Variants in ECHDC2 observed in about 807,000 individuals in gnomAD.
ECHDC2 encodes the protein enoyl-CoA hydratase domain containing 2.
ECHDC2 carries 34 observed loss-of-function variants against 40.6 expected under a neutral mutation model. The observed-to-expected ratio is 0.84, with a 90% CI of 0.64 to 1.11. The LOEUF is 1.11. ECHDC2 is among the 50% of genes most tolerant of loss of function. The pLI is 0.00. For synonymous variants in ECHDC2, 162 were observed against 166.6 expected (o/e 0.97, Z 0.21); for missense variants, 392 against 400.7 (o/e 0.98, Z 0.19).
chr1:52,899,029 G>A lies in ECHDC2; in HGVS notation c.753+145C>T, dbSNP rs114414646. 1,235 of 799,048 alleles carry A rather than the reference G, an allele frequency of 1.5e-3. 21 individuals carry two copies. In the African/African-American group the frequency reaches 0.019, roughly 12 times the overall value. 49.5% of individuals were successfully genotyped at this position (799,048 alleles called of 1,614,324 possible). ...CCAATTTGCAGATGTGTAAACTGACGTAGAGCACGAGGTCAGAGTTCAAGT... is the reference window on the plus strand; with the variant it reads ...CCAATTTGCAGATGTGTAAACTGACATAGAGCACGAGGTCAGAGTTCAAGT... On this transcript the variant is annotated intron_variant, in intron 8 of 9. Coordinates refer to ENST00000371522, the MANE Select transcript of ECHDC2 (RefSeq NM_001198961.2).
At chr1:52,903,752 G>A (rs138910630) in intron 7 of ECHDC2, among the ~76,000 whole-genome samples, 172 of 151,596 alleles carry the variant, frequency 1.1e-3, no homozygotes, top group African/African-American at 3.9e-3. Flanking sequence ...ATGACACAGC[G>A]AGACCCTATC....
At chr1:52,902,970 AT>A (rs1352913135) in intron 7 of ECHDC2, among the ~76,000 whole-genome samples, 3 of 152,206 alleles carry the variant, frequency 2.0e-5, no homozygotes, top group Non-Finnish European at 4.4e-5. Flanking sequence ...AGACAAATTT[AT>A]TATAAATTAG....
At chr1:52,897,332 T>A in intron 9 of ECHDC2, 105 bp downstream of exon 9, 1 of 1,153,966 alleles carries the variant, frequency 8.7e-7, no homozygotes, top group East Asian at 2.3e-5. Flanking sequence ...GGTCAGACTG[T>A]TTGTGTTGAG....
chr1:52,896,291 C>T lies in ECHDC2; in HGVS notation c.*229G>A, dbSNP rs1036158425. ...CAGGCATTTTCCAAAGCAAACCCAA[C>T]CCTCGTGATTATTTCTAGCCAGGGT... On this transcript the variant is annotated 3_prime_UTR_variant, in exon 10 of 10. Transcript: ENST00000371522. The T allele has an allele frequency of 7.4e-6, 4 of 538,662 alleles. No homozygotes were observed. The highest frequency in any genetic ancestry group is 1.3e-5 in the Non-Finnish European group (4 of 298,250). The allele number at this position is 538,662 out of a possible 1,614,324, so 33.4% of individuals were successfully genotyped here.
intron 1 of ECHDC2, chr1:52,920,652 C>T (rs1374210939): frequency 4.0e-6 from 3 of 756,024 alleles, no homozygotes; most frequent in Non-Finnish European, 6.8e-6. Context: ...GTATTTAAAC[C>T]TCTCTATTCC....
chr1:52,903,822 T>C (rs1647158015), intron 7 of ECHDC2, among the ~76,000 whole-genome samples: 1 of 132,774 alleles, frequency 7.5e-6, no homozygotes, highest in South Asian at 2.3e-4. Flanking sequence ...TCTTTCTTTC[T>C]TTTTTTTTTT....
intron 6 of ECHDC2, 27 bp from the exon 7 acceptor site, chr1:52,904,860 G>A: frequency 6.2e-7 from 1 of 1,604,128 alleles, no homozygotes; most frequent in South Asian, 1.1e-5. Flanking sequence ...AGCAGGGTGG[G>A]AATCAGCATG....
At chr1:52,918,213 A>AG (rs1275166993) in intron 1 of ECHDC2, among the ~76,000 whole-genome samples, 7 of 152,204 alleles carry the variant, frequency 4.6e-5, no homozygotes, top group African/African-American at 1.7e-4. Flanking sequence ...TTTGTAGAGA[A>AG]GGGGTTTCAC....
chr1:52,903,009 T>C (rs1381468712), intron 7 of ECHDC2, among the ~76,000 whole-genome samples: 1 of 152,198 alleles, frequency 6.6e-6, no homozygotes, highest in Non-Finnish European at 1.5e-5. Context: ...TAAGCCACTT[T>C]TAATCTTTAT....
chr1:52,904,614 G>C, intron 7 of ECHDC2, 32 bp downstream of exon 7: 1 of 1,535,770 alleles, frequency 6.5e-7, no homozygotes, highest in Admixed American at 1.9e-5. Context: ...CATGACTCCA[G>C]CCCTCCTTCT....
At chr1:52,917,467 A>C (rs565604599) in intron 1 of ECHDC2, 1 of 439,674 alleles carries the variant, frequency 2.3e-6, no homozygotes, top group East Asian at 7.0e-5. Context: ...GAGTTCCAAA[A>C]AGATTTCCAT....
chr1:52,911,822 A>C (rs770608269), intron 1 of ECHDC2, 32 bp from the exon 2 acceptor site: 1 of 1,612,572 alleles, frequency 6.2e-7, no homozygotes, highest in Admixed American at 1.7e-5. Flanking sequence ...ACGGGAAAGC[A>C]GCTGGCTCTG....
chr1:52,905,053 T>C lies in ECHDC2; in HGVS notation c.495A>G (p.Arg165=). The change falls in exon 6 of 10, where the codon CGA becomes CGG. Residue 165 remains arginine, a synonymous_variant. Coordinates refer to ENST00000371522, the MANE Select transcript of ECHDC2 (RefSeq NM_001198961.2). ...SAVMGLIETT[R]GLLPGAGGTQ... Reference sequence around the variant, plus strand: ...GATTACCTGCCCCCGGGAGGAGCCCTCGCGTGGTCTCAATCAGTCCCATGA... The same window carrying C: ...GATTACCTGCCCCCGGGAGGAGCCCCCGCGTGGTCTCAATCAGTCCCATGA... 1 of 1,614,128 alleles carries C rather than the reference T, an allele frequency of 6.2e-7. No individual in the cohort carries two copies. The highest frequency in any genetic ancestry group is 8.5e-7 in the Non-Finnish European group (1 of 1,180,000).
intron 5 of ECHDC2, 41 bp from the exon 6 acceptor site, chr1:52,905,131 G>C: frequency 3.7e-6 from 6 of 1,607,744 alleles, no homozygotes; most frequent in Non-Finnish European, 5.1e-6. Context: ...TCCCCCATCC[G>C]GTCCCCCAGT....
intron 1 of ECHDC2, chr1:52,920,425 C>G: frequency 1.0e-6 from 1 of 983,996 alleles, no homozygotes; most frequent in Non-Finnish European, 1.6e-6. Context: ...ACGAAGGTGG[C>G]AAGAAGCCAC....
At position 52,899,213 on chromosome 1, in the gene ECHDC2, G is replaced by A. The variant is rs17854315; in HGVS notation, c.714C>T (p.Ala238=). ...CAATGGCTACTTTGCCCAGCCGCAC[G>A]GCAATGGGGGCCTAGGGAAAAGCAA... ...AQEILPQAPI[A]VRLGKVAIDR... The change falls in exon 8 of 10, where the codon GCC becomes GCT. Residue 238 remains alanine, a synonymous_variant. Transcript: ENST00000371522. The A allele has an allele frequency of 2.7e-5, 44 of 1,613,084 alleles. No individual in the cohort carries two copies. Among genetic ancestry groups the A allele is most frequent in the Admixed American group, 3.3e-5 (2 of 59,984 alleles).
At chr1:52,902,004 CTTCA>C (rs1354156177) in intron 7 of ECHDC2, 1 of 144,878 alleles carries the variant, frequency 6.9e-6, no homozygotes, top group Non-Finnish European at 1.5e-5. Flanking sequence ...GCATCAGACT[CTTCA>C]TTTATATATG....
chr1:52,904,939 G>A (rs1647365580), intron 6 of ECHDC2, 95 bp downstream of exon 6: 1 of 1,600,344 alleles, frequency 6.2e-7, no homozygotes, highest in African/African-American at 1.3e-5. Context: ...CAGGGTTCAG[G>A]TGGGAGGGCA....
chr1:52,916,333 T>A (rs1650653265), intron 1 of ECHDC2, among the ~76,000 whole-genome samples: 2 of 152,138 alleles, frequency 1.3e-5, no homozygotes, highest in Non-Finnish European at 2.9e-5. Context: ...CTGTCTCTCA[T>A]CTTTCAGCTT....
Sources: allele counts gnomAD v4.1 joint callset (sites outside exome capture counted in the v4.1 genomes callset), GRCh38; gene constraint gnomAD v4.1.1; transcripts MANE v1.5; gene names NCBI Gene and HGNC (gene_info 2026-07-23, HGNC 2026-07-21).